RBFOX1: variants seen among roughly 807,000 people sequenced by gnomAD.
RBFOX1 encodes the protein RNA binding protein fox-1 homolog 1.
A neutral mutation model predicts 57.7 loss-of-function variants in RBFOX1; 8 were observed. That is an observed-to-expected ratio of 0.14 (90% CI 0.08 to 0.25). The LOEUF (loss-of-function observed/expected upper bound fraction) is 0.25, where lower values mean the gene tolerates loss of function less well. Among genes scored for constraint, RBFOX1 ranks in the 10% least tolerant of loss-of-function variants. RBFOX1 has a pLI of 1.00. For synonymous variants in RBFOX1, 326 were observed against 222.4 expected, an observed-to-expected ratio of 1.47 and a Z score of -4.15; for missense variants, 611 against 548.5, an observed-to-expected ratio of 1.11 and a Z score of -1.14.
At chr16:6,060,546 C>A (rs1035564) in intron 1 of RBFOX1, among the ~76,000 whole-genome samples, 4 of 151,874 alleles carry the variant, frequency 2.6e-5, no homozygotes, top group East Asian at 1.9e-4. Flanking sequence ...ACCTCTACGT[C>A]AGCAGTTCCA....
chr16:5,921,668 A>T (rs1465599019), intron 4 of RBFOX1, among the ~76,000 whole-genome samples: 3 of 152,220 alleles, frequency 2.0e-5, no homozygotes, highest in African/African-American at 7.2e-5. Flanking sequence ...TGGGTAATTT[A>T]TAAAGAAAAG....
chr16:5,871,626 T>C (rs181940196), intron 4 of RBFOX1, among the ~76,000 whole-genome samples: 1 of 152,150 alleles, frequency 6.6e-6, no homozygotes, highest in African/African-American at 2.4e-5. Context: ...GTCTGAGTCC[T>C]CTCCACCACC....
rs776822682 is a variant in RBFOX1, at chr16:7,709,043, A to G, written c.996-13A>G. 26 of 1,606,710 alleles carry G rather than the reference A, an allele frequency of 1.6e-5. No homozygotes were observed. Among genetic ancestry groups the G allele is most frequent in the African/African-American group, 4.0e-5 (3 of 74,648 alleles). On this transcript the variant is annotated splice_polypyrimidine_tract_variant and intron_variant, in intron 14 of 15. Transcript: ENST00000550418. ...ATACTGTGGATCAATCTTCACCTCT[A>G]TTTTCCTTTCAGTTACGGACGAGTT...
At chr16:6,701,575 A>G (rs927318787) in intron 3 of RBFOX1, among the ~76,000 whole-genome samples, 4 of 152,100 alleles carry the variant, frequency 2.6e-5, no homozygotes, top group African/African-American at 7.2e-5. Flanking sequence ...GTGAAGGGGG[A>G]GCAGGAGTGT....
intron 3 of RBFOX1, among the ~76,000 whole-genome samples, chr16:5,622,154 G>C (rs2048218140): frequency 6.6e-6 from 1 of 152,174 alleles, no homozygotes; most frequent in Non-Finnish European, 1.5e-5. Flanking sequence ...AATTCCACTT[G>C]GCATCGATGA....
At chr16:7,544,317 A>G (rs2083812882) in intron 5 of RBFOX1, among the ~76,000 whole-genome samples, 1 of 152,198 alleles carries the variant, frequency 6.6e-6, no homozygotes, top group Non-Finnish European at 1.5e-5. Flanking sequence ...CCTGGTTTAT[A>G]AAATGGGCTT....
chr16:7,366,788 T>A (rs976120334), intron 4 of RBFOX1, among the ~76,000 whole-genome samples: 3 of 152,038 alleles, frequency 2.0e-5, no homozygotes, highest in African/African-American at 7.2e-5. Flanking sequence ...GGATTAAAGA[T>A]CAAAAATGGG....
intron 2 of RBFOX1, among the ~76,000 whole-genome samples, chr16:6,616,622 C>T (rs977802053): frequency 2.0e-5 from 3 of 152,200 alleles, no homozygotes; most frequent in Non-Finnish European, 1.5e-5. Context: ...TTGCAGTGAG[C>T]CGAGATCGTG....
intron 1 of RBFOX1, among the ~76,000 whole-genome samples, chr16:6,135,783 G>GA (rs2096662264): frequency 7.4e-6 from 1 of 134,884 alleles, no homozygotes; most frequent in African/African-American, 2.8e-5. Flanking sequence ...CACTCGTTTC[G>GA]ACTTTTTTTT....
chr16:7,468,968 C>T (rs1325046982), intron 4 of RBFOX1, among the ~76,000 whole-genome samples: 1 of 151,962 alleles, frequency 6.6e-6, no homozygotes, highest in African/African-American at 2.4e-5. Flanking sequence ...GAGTCTCATT[C>T]TGTCACCCAG....
intron 4 of RBFOX1, among the ~76,000 whole-genome samples, chr16:7,083,130 T>C (rs1178802481): frequency 6.6e-6 from 1 of 152,174 alleles, no homozygotes; most frequent in Non-Finnish European, 1.5e-5. Context: ...GAATCATCAA[T>C]TTGGTTATGA....
intron 3 of RBFOX1, among the ~76,000 whole-genome samples, chr16:6,988,905 G>A (rs920248778): frequency 2.0e-5 from 3 of 152,004 alleles, no homozygotes; most frequent in Non-Finnish European, 4.4e-5. Flanking sequence ...CTAAGTAGCT[G>A]GGATTACAGG....
intron 1 of RBFOX1, among the ~76,000 whole-genome samples, chr16:5,303,921 G>GGGA (rs1228519774): frequency 6.6e-6 from 1 of 152,104 alleles, no homozygotes; most frequent in Non-Finnish European, 1.5e-5. Flanking sequence ...AAGGCACCGT[G>GGGA]GGAGTACCTG....
At chr16:6,905,345 G>A (rs1412796774) in intron 3 of RBFOX1, among the ~76,000 whole-genome samples, 2 of 151,954 alleles carry the variant, frequency 1.3e-5, no homozygotes, top group Non-Finnish European at 2.9e-5. Context: ...CCTGAGGTTG[G>A]GAGTTCGAGA....
At chr16:6,748,974 A>G (rs1394505860) in intron 3 of RBFOX1, 2 of 152,160 alleles carry the variant, frequency 1.3e-5, no homozygotes, top group African/African-American at 4.8e-5. Context: ...GTTCTCTCCT[A>G]ATTGATAAAA....
chr16:7,195,799 T>G (rs746732209), intron 4 of RBFOX1, among the ~76,000 whole-genome samples: 1 of 152,180 alleles, frequency 6.6e-6, no homozygotes, highest in Non-Finnish European at 1.5e-5. Context: ...GTAATCTGCC[T>G]GCCTCTGCCT....
At chr16:5,410,058 A>AT (rs113604627) in intron 1 of RBFOX1, among the ~76,000 whole-genome samples, 17,117 of 149,266 alleles carry the variant, frequency 0.11, 1,213 homozygotes, top group Non-Finnish European at 0.15. Flanking sequence ...AAAAAAAAAA[A>AT]AAAAAAAATA....
At chr16:7,387,224 A>G (rs1033882230) in intron 4 of RBFOX1, among the ~76,000 whole-genome samples, 1 of 152,198 alleles carries the variant, frequency 6.6e-6, no homozygotes, top group Non-Finnish European at 1.5e-5. Context: ...ACCATTGTGC[A>G]AAGTACCTAC....
At chr16:7,633,062 C>T (rs1197864033) in intron 11 of RBFOX1, among the ~76,000 whole-genome samples, 1 of 152,076 alleles carries the variant, frequency 6.6e-6, no homozygotes, top group East Asian at 1.9e-4. Context: ...CCACCCAAGC[C>T]AGCCCATGGC....
Sources: allele counts gnomAD v4.1 joint callset (sites outside exome capture counted in the v4.1 genomes callset), GRCh38; gene constraint gnomAD v4.1.1; transcripts MANE v1.5; gene names NCBI Gene and HGNC (gene_info 2026-07-23, HGNC 2026-07-21).